HIBADH: variants seen among roughly 807,000 people sequenced by gnomAD.
HIBADH encodes the protein 3-hydroxyisobutyrate dehydrogenase, mitochondrial.
In HIBADH, 25 loss-of-function variants were observed where a neutral mutation model predicts 36.1. That is an observed-to-expected ratio of 0.69 (90% CI 0.50 to 0.97). HIBADH has a LOEUF of 0.97. Ranked by LOEUF, HIBADH falls within the 50% of genes least tolerant of loss-of-function variation. HIBADH has a pLI of 0.00. For synonymous variants in HIBADH, 160 were observed against 149.5 expected, an observed-to-expected ratio of 1.07 and a Z score of -0.51; for missense variants, 421 against 418.0, an observed-to-expected ratio of 1.01 and a Z score of -0.06.
Position 27,656,133 on chromosome 7 carries a change from T to C in HIBADH, c.92-6500A>G, listed in dbSNP as rs192031816. Among the ~76,000 whole-genome samples the C allele has an allele frequency of 7.3e-3, 1,115 of 152,286 alleles. 8 individuals are homozygous for C. The highest frequency in any genetic ancestry group is 0.011 in the Non-Finnish European group (748 of 68,004). ...CCATTGTGAAATGGTGTTACAACCA[T>C]TTCATTCATCTACTCTAGTTTGAAA... On this transcript the variant is annotated intron_variant, in intron 1 of 7. Transcript: ENST00000265395.
At chr7:27,613,226 T>C (rs1213217577) in intron 4 of HIBADH, among the ~76,000 whole-genome samples, 1 of 133,608 alleles carries the variant, frequency 7.5e-6, no homozygotes, top group Non-Finnish European at 1.6e-5. Context: ...TATTTATCTT[T>C]CTGAAGCTGT....
chr7:27,581,856 C>A lies in HIBADH; in HGVS notation c.485-38756G>T, dbSNP rs78943229. ...CAAAAAGGAATCTACAAAAAAAAAA[C>A]CCAATTCAAATGGATTTAGCTTCTT... On this transcript the variant is annotated intron_variant, in intron 4 of 7. Coordinates refer to ENST00000265395, the MANE Select transcript of HIBADH (RefSeq NM_152740.4). Among the ~76,000 whole-genome samples, 727 of 150,920 alleles carry A rather than the reference C, an allele frequency of 4.8e-3. 5 individuals carry two copies. The highest frequency in any genetic ancestry group is 0.017 in the African/African-American group (696 of 41,202).
At chr7:27,587,386 T>C (rs1037194940) in intron 4 of HIBADH, among the ~76,000 whole-genome samples, 3 of 152,094 alleles carry the variant, frequency 2.0e-5, no homozygotes, top group African/African-American at 7.2e-5. Context: ...ACCAGAAATA[T>C]GAAATTTAAA....
At chr7:27,547,991 A>C (rs535380578) in intron 4 of HIBADH, among the ~76,000 whole-genome samples, 1 of 152,230 alleles carries the variant, frequency 6.6e-6, no homozygotes, top group South Asian at 2.1e-4. Flanking sequence ...ATAATACTAC[A>C]ATCAGAAACA....
chr7:27,662,157 G>C (rs1469373794), intron 1 of HIBADH, among the ~76,000 whole-genome samples: 1 of 152,112 alleles, frequency 6.6e-6, no homozygotes, highest in African/African-American at 2.4e-5. Context: ...GCTGGTCAAG[G>C]GTGACTGAAA....
At chr7:27,610,776 A>G (rs372579468) in intron 4 of HIBADH, among the ~76,000 whole-genome samples, 16 of 152,180 alleles carry the variant, frequency 1.1e-4, no homozygotes, top group East Asian at 7.7e-4. Flanking sequence ...CTCTAAGAAA[A>G]CGTTTTAATG....
chr7:27,637,306 G>A (rs954528886), intron 2 of HIBADH, among the ~76,000 whole-genome samples: 2 of 151,766 alleles, frequency 1.3e-5, no homozygotes, highest in African/African-American at 4.8e-5. Context: ...TTGGTTCCGG[G>A]GTTTATATTT....
intron 4 of HIBADH, among the ~76,000 whole-genome samples, chr7:27,618,805 C>T (rs1186044982): frequency 2.0e-5 from 3 of 152,054 alleles, no homozygotes; most frequent in African/African-American, 4.8e-5. Flanking sequence ...AAGGCAAAGG[C>T]GGAGTGGGCA....
intron 2 of HIBADH, chr7:27,649,237 A>C: frequency 2.7e-6 from 1 of 370,928 alleles, no homozygotes; most frequent in Non-Finnish European, 4.8e-6. Flanking sequence ...CCCTCTGACC[A>C]AATGTGCAAA....
At chr7:27,650,619 T>A (rs6948460) in intron 1 of HIBADH, among the ~76,000 whole-genome samples, 113,807 of 150,110 alleles carry the variant, frequency 0.76, 43,551 homozygotes, top group East Asian at 0.94. Flanking sequence ...TAGCCTCCGG[T>A]GTAGCTGGGA....
chr7:27,550,010 C>T (rs1261689212), intron 4 of HIBADH, among the ~76,000 whole-genome samples: 6 of 152,124 alleles, frequency 3.9e-5, no homozygotes, highest in Admixed American at 1.3e-4. Context: ...CAGGTTCAAG[C>T]GATTCTCCTG....
rs6980386 is a variant in HIBADH, at chr7:27,626,244, T to C, written c.484+3127A>G. The stretch of plus-strand genomic sequence containing the variant: ...TCTACCCTTTAAGTATATACACCTA[T>C]TATATACCCACAAAAATTAAAATTA... On this transcript the variant is annotated intron_variant, in intron 4 of 7. Coordinates refer to ENST00000265395, the MANE Select transcript of HIBADH (RefSeq NM_152740.4). Among the ~76,000 whole-genome samples, 834 of 151,884 alleles carry C rather than the reference T, an allele frequency of 5.5e-3. 2 individuals carry two copies. The highest frequency in any genetic ancestry group is 0.011 in the South Asian group (53 of 4,806).
At chr7:27,598,251 G>A (rs1052167740) in intron 4 of HIBADH, among the ~76,000 whole-genome samples, 3 of 152,074 alleles carry the variant, frequency 2.0e-5, no homozygotes, top group Non-Finnish European at 4.4e-5. Context: ...TGGGAGAATT[G>A]AACATTTTAT....
At chr7:27,623,274 C>CA (rs1050071311) in intron 4 of HIBADH, among the ~76,000 whole-genome samples, 13 of 152,102 alleles carry the variant, frequency 8.5e-5, no homozygotes, top group Non-Finnish European at 1.8e-4. Context: ...AGGCCATATA[C>CA]AACACACTCA....
chr7:27,597,728 T>G (rs918107879), intron 4 of HIBADH, among the ~76,000 whole-genome samples: 1 of 152,210 alleles, frequency 6.6e-6, no homozygotes, highest in African/African-American at 2.4e-5. Context: ...TGCTGCTATC[T>G]TATTTTGCTC....
intron 2 of HIBADH, among the ~76,000 whole-genome samples, chr7:27,644,613 A>C (rs1786027520): frequency 6.6e-6 from 1 of 150,876 alleles, no homozygotes. Flanking sequence ...AAAAAAAAAA[A>C]AATTAGCTGG....
At chr7:27,645,233 T>A (rs1002399351) in intron 2 of HIBADH, among the ~76,000 whole-genome samples, 1 of 152,086 alleles carries the variant, frequency 6.6e-6, no homozygotes, top group Non-Finnish European at 1.5e-5. Flanking sequence ...ACTCCCAAAC[T>A]CTTTCCCAAA....
intron 5 of HIBADH, among the ~76,000 whole-genome samples, chr7:27,539,421 AAG>A (rs568496108): frequency 1.2e-3 from 186 of 152,272 alleles, no homozygotes; most frequent in African/African-American, 3.5e-3. Flanking sequence ...GAGTGAGATA[AAG>A]AGAGTCCTAG....
In HIBADH at chr7:27,655,291, A is replaced by G. The variant is rs73289992; in HGVS notation, c.92-5658T>C. Among the ~76,000 whole-genome samples, 730 of 152,286 alleles carry G rather than the reference A, an allele frequency of 4.8e-3. 6 individuals are homozygous for G. Among genetic ancestry groups the G allele is most frequent in the African/African-American group, 0.017 (703 of 41,550 alleles). ...TAGATGATACCATGGAATCACTGCT[A>G]ATTGGCTTAGGTAGGATAATGGTAG... On this transcript the variant is annotated intron_variant, in intron 1 of 7. Transcript: ENST00000265395.
Sources: allele counts gnomAD v4.1 joint callset (sites outside exome capture counted in the v4.1 genomes callset), GRCh38; gene constraint gnomAD v4.1.1; transcripts MANE v1.5; gene names NCBI Gene and HGNC (gene_info 2026-07-23, HGNC 2026-07-21).